The following SLC24A2 variants were observed in gnomAD, a reference collection of about 807,000 sequenced individuals.
The protein encoded by SLC24A2 is sodium/potassium/calcium exchanger 2.
SLC24A2 carries 36 observed loss-of-function variants against 62.0 expected under a neutral mutation model. That is an observed-to-expected ratio of 0.58 (90% confidence interval 0.44 to 0.77). The LOEUF is 0.77. Ranked by LOEUF, SLC24A2 falls within the 30% of genes least tolerant of loss-of-function variation. The probability of loss-of-function intolerance (pLI) is 0.00; values close to 1 mark genes in which losing one functional copy is unlikely to be tolerated. For synonymous variants in SLC24A2, 358 were observed against 294.0 expected, an observed-to-expected ratio of 1.22 and a Z score of -2.23; for missense variants, 846 against 817.9, an observed-to-expected ratio of 1.03 and a Z score of -0.42.
the SLC24A2 span, among the ~76,000 whole-genome samples, chr9:20,158,509 T>C: frequency 1.3e-5 from 2 of 151,632 alleles, no homozygotes; most frequent in Non-Finnish European, 3.0e-5. Context: ...AGGGCCGTCA[T>C]CAGACATCAA....
intron 2 of SLC24A2, among the ~76,000 whole-genome samples, chr9:19,775,874 G>A (rs1282255968): frequency 6.6e-6 from 1 of 152,192 alleles, no homozygotes; most frequent in Non-Finnish European, 1.5e-5. Flanking sequence ...AACTAGTACA[G>A]CTTTGCAGGG....
chr9:19,948,717 C>T, the SLC24A2 span, among the ~76,000 whole-genome samples: 3 of 150,910 alleles, frequency 2.0e-5, no homozygotes, highest in African/African-American at 4.8e-5. Flanking sequence ...CAGTGGCGGG[C>T]GCCTGTAGTC....
At chr9:19,767,601 C>T (rs1822557836) in intron 2 of SLC24A2, among the ~76,000 whole-genome samples, 1 of 152,168 alleles carries the variant, frequency 6.6e-6, no homozygotes, top group African/African-American at 2.4e-5. Context: ...GATGCCCCAC[C>T]CTGCTTCTGC....
intron 2 of SLC24A2, among the ~76,000 whole-genome samples, chr9:19,753,590 A>G (rs1451137815): frequency 6.6e-6 from 1 of 152,152 alleles, no homozygotes; most frequent in African/African-American, 2.4e-5. Context: ...CATTACTGTG[A>G]GCAGTAGTAT....
At chr9:19,543,623 G>A (rs542860629) in intron 8 of SLC24A2, among the ~76,000 whole-genome samples, 3 of 152,058 alleles carry the variant, frequency 2.0e-5, no homozygotes, top group East Asian at 1.9e-4. Context: ...GAGATTGTAC[G>A]TTGTGTTGTT....
the SLC24A2 span, among the ~76,000 whole-genome samples, chr9:19,843,993 C>T: frequency 5.9e-5 from 9 of 152,156 alleles, no homozygotes; most frequent in African/African-American, 2.2e-4. Context: ...CGTACGAGTG[C>T]ATGTGACTTT....
the SLC24A2 span, among the ~76,000 whole-genome samples, chr9:19,997,524 A>C: frequency 6.6e-6 from 1 of 152,156 alleles, no homozygotes; most frequent in Non-Finnish European, 1.5e-5. Context: ...GGTGGTCAGG[A>C]TCATTCAGCA....
intron 8 of SLC24A2, among the ~76,000 whole-genome samples, chr9:19,541,680 A>G (rs1349870544): frequency 6.7e-6 from 1 of 148,568 alleles, no homozygotes; most frequent in Non-Finnish European, 1.5e-5. Context: ...CCCTGCCCCC[A>G]GAGGTGGAGC....
chr9:19,611,159 CT>C (rs1427868529), intron 4 of SLC24A2, among the ~76,000 whole-genome samples: 1 of 151,812 alleles, frequency 6.6e-6, no homozygotes, highest in Non-Finnish European at 1.5e-5. Flanking sequence ...CAGGAGCCAA[CT>C]GGATATCTAG....
intron 2 of SLC24A2, among the ~76,000 whole-genome samples, chr9:19,724,988 C>A (rs951771991): frequency 1.3e-5 from 2 of 152,176 alleles, no homozygotes; most frequent in Non-Finnish European, 2.9e-5. Flanking sequence ...GAGGAGCTCA[C>A]GTGCTTCAAA....
At position 19,650,656 on chromosome 9, in the gene SLC24A2, T is replaced by C. The variant is rs149730538; in HGVS notation, c.931-28357A>G. ...CCTTGGCCTCATTAAAACAGCAATG[T>C]TCTGGAGTGGATCAATTTTTCACAG... On this transcript the variant is annotated intron_variant, in intron 2 of 10. Coordinates refer to ENST00000341998, the MANE Select transcript of SLC24A2 (RefSeq NM_020344.4). Among the ~76,000 whole-genome samples the C allele has an allele frequency of 6.0e-3, 914 of 152,256 alleles. 2 individuals carry two copies. Among genetic ancestry groups the C allele is most frequent in the Middle Eastern group, 0.01 (3 of 294 alleles).
intron 2 of SLC24A2, among the ~76,000 whole-genome samples, chr9:19,766,229 A>G (rs1003836249): frequency 6.6e-6 from 1 of 152,112 alleles, no homozygotes; most frequent in African/African-American, 2.4e-5. Flanking sequence ...GCTTCCTTGC[A>G]TTGGGCTAGA....
At chr9:19,791,259 A>G (rs1316487921), upstream of SLC24A2, among the ~76,000 whole-genome samples, 1 of 152,230 alleles carries the variant, frequency 6.6e-6, no homozygotes, top group Non-Finnish European at 1.5e-5. Context: ...AAGAAGGGAA[A>G]GAGTGAAGGG....
chr9:19,980,285 C>A, the SLC24A2 span, among the ~76,000 whole-genome samples: 1 of 152,086 alleles, frequency 6.6e-6, no homozygotes, highest in Non-Finnish European at 1.5e-5. Flanking sequence ...CCAGTTAACG[C>A]TGATAGTGTT....
At chr9:19,654,270 G>C (rs1158028605) in intron 2 of SLC24A2, among the ~76,000 whole-genome samples, 1 of 152,160 alleles carries the variant, frequency 6.6e-6, no homozygotes, top group African/African-American at 2.4e-5. Context: ...ATAAGCATGA[G>C]TTTGTACTCT....
chr9:20,146,554 T>C, the SLC24A2 span, among the ~76,000 whole-genome samples: 2 of 152,116 alleles, frequency 1.3e-5, no homozygotes, highest in African/African-American at 4.8e-5. Context: ...TAGGGGAACA[T>C]GCAGGCAGTA....
chr9:19,853,680 C>G, the SLC24A2 span, among the ~76,000 whole-genome samples: 1 of 152,054 alleles, frequency 6.6e-6, no homozygotes, highest in East Asian at 1.9e-4. Context: ...GGTGGATAAG[C>G]TTTTTTTATG....
chr9:19,959,173 C>A, the SLC24A2 span, among the ~76,000 whole-genome samples: 1 of 152,056 alleles, frequency 6.6e-6, no homozygotes, highest in Non-Finnish European at 1.5e-5. Flanking sequence ...GGAGAAGAAT[C>A]AGTGATGAGG....
At chr9:19,613,011 T>A (rs4977230) in intron 4 of SLC24A2, among the ~76,000 whole-genome samples, 2 of 152,022 alleles carry the variant, frequency 1.3e-5, no homozygotes, top group African/African-American at 4.8e-5. Context: ...ACCAAGCTGC[T>A]CTGGGCCTTG....
Sources: gnomAD v4.1 joint callset for allele counts (sites outside exome capture counted in the v4.1 genomes callset) on GRCh38, gnomAD v4.1.1 for gene constraint, MANE v1.5 for transcripts, NCBI Gene and HGNC (gene_info 2026-07-23, HGNC 2026-07-21) for gene names.